SUPT3H: variants seen among roughly 807,000 people sequenced by gnomAD.
SUPT3H encodes SPT3 homolog, SAGA and STAGA complex component, also known as transcription initiation protein SPT3 homolog.
A neutral mutation model predicts 44.3 loss-of-function variants in SUPT3H; 44 were observed. The observed-to-expected ratio is 0.99, with a 90% CI of 0.78 to 1.28. SUPT3H has a LOEUF of 1.28. Among genes scored for constraint, SUPT3H ranks in the 50% most tolerant of loss-of-function variants. The pLI, the probability that SUPT3H is intolerant of heterozygous loss-of-function variation, is 0.00. For missense variants in SUPT3H, 380 were observed against 387.1 expected (o/e 0.98, Z 0.15); for synonymous variants, 124 against 125.6 (o/e 0.99, Z 0.09).
intron 2 of SUPT3H, among the ~76,000 whole-genome samples, chr6:45,287,259 A>T (rs1403057250): frequency 6.9e-6 from 1 of 144,276 alleles, no homozygotes; most frequent in East Asian, 1.9e-4. Flanking sequence ...AAAAATAAAA[A>T]ATAAAAAATA....
At chr6:45,007,737 CTT>C (rs940243414) in intron 5 of SUPT3H, among the ~76,000 whole-genome samples, 4 of 142,482 alleles carry the variant, frequency 2.8e-5, no homozygotes, top group African/African-American at 2.6e-5. Flanking sequence ...TTCCCCCCCA[CTT>C]TTTTTTTTTT....
intron 3 of SUPT3H, among the ~76,000 whole-genome samples, chr6:45,022,821 A>G (rs925013593): frequency 2.0e-5 from 3 of 152,100 alleles, no homozygotes; most frequent in African/African-American, 7.2e-5. Context: ...CAAAATACTC[A>G]AGTCCTGCAC....
At chr6:44,903,208 C>G (rs758373969) in intron 10 of SUPT3H, among the ~76,000 whole-genome samples, 2 of 152,008 alleles carry the variant, frequency 1.3e-5, no homozygotes, top group African/African-American at 4.8e-5. Context: ...GATAGAGACA[C>G]AAAAAACCCT....
At chr6:44,900,309 G>A (rs150116375) in intron 10 of SUPT3H, among the ~76,000 whole-genome samples, 13 of 152,310 alleles carry the variant, frequency 8.5e-5, no homozygotes, top group South Asian at 2.1e-4. Context: ...CTGGAAAATC[G>A]GGTCACTGCC....
chr6:44,861,138 TA>T (rs879279709), intron 10 of SUPT3H, among the ~76,000 whole-genome samples: 2 of 152,176 alleles, frequency 1.3e-5, no homozygotes, highest in Non-Finnish European at 2.9e-5. Flanking sequence ...GGCTGGAGTG[TA>T]GTAGCACGAT....
intron 2 of SUPT3H, among the ~76,000 whole-genome samples, chr6:45,233,707 T>C (rs1050453802): frequency 2.0e-5 from 3 of 152,222 alleles, no homozygotes; most frequent in African/African-American, 7.2e-5. Context: ...CTATTCAAGG[T>C]ATGATTGTCT....
intron 2 of SUPT3H, among the ~76,000 whole-genome samples, chr6:45,121,706 G>A (rs190007213): frequency 1.3e-5 from 2 of 151,704 alleles, no homozygotes; most frequent in African/African-American, 2.4e-5. Flanking sequence ...ACGAAGATTC[G>A]CTCTTGTTGC....
At chr6:45,009,136 T>A (rs1481726979) in intron 5 of SUPT3H, among the ~76,000 whole-genome samples, 1 of 152,190 alleles carries the variant, frequency 6.6e-6, no homozygotes, top group African/African-American at 2.4e-5. Context: ...GTCTTTTTAT[T>A]GTTAAGTTGC....
At chr6:45,113,919 C>T (rs1800458337) in intron 2 of SUPT3H, among the ~76,000 whole-genome samples, 1 of 151,272 alleles carries the variant, frequency 6.6e-6, no homozygotes, top group Non-Finnish European at 1.5e-5. Context: ...GATTTCTCAA[C>T]AACCATTTCC....
chr6:44,920,389 G>C (rs1025445620), intron 10 of SUPT3H, among the ~76,000 whole-genome samples: 1 of 151,954 alleles, frequency 6.6e-6, no homozygotes, highest in African/African-American at 2.4e-5. Context: ...CCGGGCAAGA[G>C]AGTGAGACCC....
At chr6:44,976,388 GTCTCAC>G (rs1462185259) in intron 6 of SUPT3H, among the ~76,000 whole-genome samples, 2 of 151,002 alleles carry the variant, frequency 1.3e-5, no homozygotes, top group African/African-American at 4.9e-5. Flanking sequence ...TTGAGACAGA[GTCTCAC>G]TCTGTTGCCC....
At chr6:44,915,598 A>G (rs1035673904) in intron 10 of SUPT3H, among the ~76,000 whole-genome samples, 3 of 152,176 alleles carry the variant, frequency 2.0e-5, no homozygotes, top group Admixed American at 6.5e-5. Context: ...ACAGACCTTA[A>G]GTCTGATAAG....
chr6:44,856,316 C>G (rs1351891203), intron 10 of SUPT3H, among the ~76,000 whole-genome samples: 2 of 152,138 alleles, frequency 1.3e-5, no homozygotes, highest in African/African-American at 4.8e-5. Flanking sequence ...CCCTCAGAGA[C>G]GACACACTAA....
chr6:45,221,446 C>T (rs922224331), intron 2 of SUPT3H, among the ~76,000 whole-genome samples: 1 of 152,072 alleles, frequency 6.6e-6, no homozygotes, highest in East Asian at 1.9e-4. Context: ...TTTATAAATG[C>T]TAACAATTAA....
chr6:45,218,548 G>A (rs984718997), intron 2 of SUPT3H, among the ~76,000 whole-genome samples: 7 of 152,132 alleles, frequency 4.6e-5, no homozygotes, highest in Non-Finnish European at 1.5e-5. Context: ...TGACCAACAT[G>A]GAGAAACCCC....
intron 5 of SUPT3H, among the ~76,000 whole-genome samples, chr6:45,005,303 T>C (rs1027132618): frequency 3.3e-5 from 5 of 152,226 alleles, no homozygotes; most frequent in African/African-American, 1.2e-4. Context: ...TCTAGTTTTA[T>C]CCTTTGCCCA....
At chr6:45,000,535 C>G (rs1781879731) in intron 6 of SUPT3H, among the ~76,000 whole-genome samples, 1 of 152,058 alleles carries the variant, frequency 6.6e-6, no homozygotes, top group African/African-American at 2.4e-5. Flanking sequence ...TTGGGCACAA[C>G]TGAATGATAT....
At chr6:44,940,667 T>C (rs1772257304) in intron 9 of SUPT3H, among the ~76,000 whole-genome samples, 1 of 152,138 alleles carries the variant, frequency 6.6e-6, no homozygotes, top group Admixed American at 6.6e-5. Flanking sequence ...TTGCTGTCTA[T>C]CTCTTTAGGT....
chr6:45,175,407 T>A (rs1428870618), intron 2 of SUPT3H, among the ~76,000 whole-genome samples: 1 of 152,114 alleles, frequency 6.6e-6, no homozygotes, highest in African/African-American at 2.4e-5. Flanking sequence ...AAGGAAGAAG[T>A]GCTGAGCAAA....
Sources: gnomAD v4.1 joint callset for allele counts (sites outside exome capture counted in the v4.1 genomes callset) on GRCh38, gnomAD v4.1.1 for gene constraint, MANE v1.5 for transcripts, NCBI Gene and HGNC (gene_info 2026-07-23, HGNC 2026-07-21) for gene names.